GNAQ: variants seen among roughly 807,000 people sequenced by gnomAD.
GNAQ encodes G protein subunit alpha q, also known as guanine nucleotide-binding protein G(q) subunit alpha.
Under a neutral mutation model 43.9 loss-of-function variants are expected in GNAQ, and 8 were observed. That is an observed-to-expected ratio of 0.18 (90% CI 0.11 to 0.33). The LOEUF is 0.33. Ranked by LOEUF, GNAQ falls within the 10% of genes least tolerant of loss-of-function variation. The pLI is 1.00. For synonymous variants in GNAQ, 155 were observed against 170.7 expected (o/e 0.91, Z 0.71); for missense variants, 158 against 450.8 (o/e 0.35, Z 5.88).
chr9:77,941,066 A>T (rs1356833632), intron 1 of GNAQ, among the ~76,000 whole-genome samples: 1 of 152,222 alleles, frequency 6.6e-6, no homozygotes, highest in Admixed American at 6.5e-5. Context: ...CTTCACAAGT[A>T]TTAAAAGAAT....
intron 2 of GNAQ, among the ~76,000 whole-genome samples, chr9:77,913,560 C>T (rs2118226922): frequency 6.6e-6 from 1 of 152,200 alleles, no homozygotes; most frequent in Admixed American, 6.5e-5. Context: ...ACTGCTATTA[C>T]ATAGCAATGA....
At chr9:77,961,421 G>A (rs1264230984) in intron 1 of GNAQ, among the ~76,000 whole-genome samples, 1 of 152,118 alleles carries the variant, frequency 6.6e-6, no homozygotes, top group Admixed American at 6.5e-5. Context: ...AAAGGAAAGA[G>A]CTGAACAGAG....
chr9:77,926,738 T>C (rs1285862407), intron 1 of GNAQ, among the ~76,000 whole-genome samples: 2 of 152,156 alleles, frequency 1.3e-5, no homozygotes, highest in African/African-American at 4.8e-5. Flanking sequence ...AAATATGACT[T>C]GAAAATATCC....
chr9:77,963,915 G>A (rs908073921), intron 1 of GNAQ, among the ~76,000 whole-genome samples: 8 of 151,870 alleles, frequency 5.3e-5, no homozygotes, highest in African/African-American at 1.9e-4. Context: ...AAATTTAAAA[G>A]GCACCCATTT....
chr9:77,951,910 G>C (rs1822983619), intron 1 of GNAQ, among the ~76,000 whole-genome samples: 1 of 152,216 alleles, frequency 6.6e-6, no homozygotes, highest in Non-Finnish European at 1.5e-5. Flanking sequence ...CAGGTCCACA[G>C]ACCTAGGACA....
At chr9:77,872,784 T>C (rs1224802680) in intron 2 of GNAQ, among the ~76,000 whole-genome samples, 2 of 152,144 alleles carry the variant, frequency 1.3e-5, no homozygotes, top group Non-Finnish European at 2.9e-5. Flanking sequence ...CCAGCCTCTT[T>C]AGGGATACAA....
At chr9:77,969,092 C>T (rs1328209827) in intron 1 of GNAQ, among the ~76,000 whole-genome samples, 1 of 152,182 alleles carries the variant, frequency 6.6e-6, no homozygotes, top group African/African-American at 2.4e-5. Flanking sequence ...TGAGGTTTGC[C>T]GTTGGTCTGC....
chr9:77,781,339 T>A (rs2118404066), intron 5 of GNAQ, among the ~76,000 whole-genome samples: 1 of 152,216 alleles, frequency 6.6e-6, no homozygotes, highest in African/African-American at 2.4e-5. Flanking sequence ...CACCATTTAT[T>A]GAAAAGACTG....
chr9:78,030,150 A>G (rs1824031834), intron 1 of GNAQ, among the ~76,000 whole-genome samples: 1 of 152,108 alleles, frequency 6.6e-6, no homozygotes, highest in Admixed American at 6.5e-5. Flanking sequence ...TTAAAATGCT[A>G]TCTGTTTTAA....
At chr9:77,938,626 T>G (rs1829268133) in intron 1 of GNAQ, among the ~76,000 whole-genome samples, 1 of 151,882 alleles carries the variant, frequency 6.6e-6, no homozygotes, top group African/African-American at 2.4e-5. Context: ...TGTGCTGCAG[T>G]GAGAGAAAGA....
At chr9:77,881,523 C>T (rs927622278) in intron 2 of GNAQ, among the ~76,000 whole-genome samples, 4 of 152,278 alleles carry the variant, frequency 2.6e-5, no homozygotes, top group African/African-American at 9.6e-5. Flanking sequence ...GGACTACAGG[C>T]ACATGCCACC....
At chr9:77,871,001 T>C (rs1202936444) in intron 2 of GNAQ, among the ~76,000 whole-genome samples, 5 of 152,186 alleles carry the variant, frequency 3.3e-5, no homozygotes, top group Middle Eastern at 3.2e-3. Flanking sequence ...TTTAGGGTTA[T>C]AGAAATGTTC....
intron 3 of GNAQ, among the ~76,000 whole-genome samples, chr9:77,802,617 A>G (rs951785146): frequency 6.6e-6 from 1 of 152,072 alleles, no homozygotes; most frequent in Non-Finnish European, 1.5e-5. Context: ...AATTATAGCC[A>G]TAATTTGTTT....
intron 2 of GNAQ, among the ~76,000 whole-genome samples, chr9:77,823,055 T>C (rs955399213): frequency 1.3e-5 from 2 of 151,822 alleles, no homozygotes; most frequent in East Asian, 3.9e-4. Context: ...TTCTCCTGCC[T>C]CAGCCTCCTG....
intron 1 of GNAQ, among the ~76,000 whole-genome samples, chr9:77,928,438 C>G (rs1379568711): frequency 2.0e-5 from 3 of 152,122 alleles, no homozygotes; most frequent in Non-Finnish European, 4.4e-5. Flanking sequence ...TAGTGGTAAC[C>G]AGGACTATTA....
Position 77,772,091 on chromosome 9 carries a change from G to A in GNAQ, c.735+22372C>T, listed in dbSNP as rs190103868. ...TTACAATTGAAGAGCACTGTACGGT[G>A]TAGACCTGTAAACTTTAAAAATTAT... On this transcript the variant is annotated intron_variant, in intron 5 of 6. Transcript: ENST00000286548. Among the ~76,000 whole-genome samples the A allele has an allele frequency of 9.9e-5, 15 of 152,246 alleles. No homozygotes were observed. In the East Asian group the frequency reaches 2.9e-3, roughly 29 times the overall value.
At chr9:77,772,479 A>C (rs1484937653) in intron 5 of GNAQ, among the ~76,000 whole-genome samples, 1 of 152,056 alleles carries the variant, frequency 6.6e-6, no homozygotes. Flanking sequence ...ATTAATTTAC[A>C]CTGAGACAAA....
intron 2 of GNAQ, among the ~76,000 whole-genome samples, chr9:77,822,792 TG>T (rs2118530546): frequency 6.6e-6 from 1 of 152,256 alleles, no homozygotes; most frequent in African/African-American, 2.4e-5. Flanking sequence ...CCTAGAATCT[TG>T]GGGAAGGAAT....
intron 2 of GNAQ, among the ~76,000 whole-genome samples, chr9:77,896,474 C>T (rs1294379701): frequency 6.6e-6 from 1 of 152,178 alleles, no homozygotes; most frequent in Non-Finnish European, 1.5e-5. Flanking sequence ...AGCTGTCACT[C>T]ATCCCTACCT....
Sources: allele counts gnomAD v4.1 joint callset (sites outside exome capture counted in the v4.1 genomes callset), GRCh38; gene constraint gnomAD v4.1.1; transcripts MANE v1.5; gene names NCBI Gene and HGNC (gene_info 2026-07-23, HGNC 2026-07-21).